Variants in PARD3B observed in about 807,000 individuals in gnomAD.
The protein encoded by PARD3B is par-3 family cell polarity regulator beta, also known as partitioning defective 3 homolog B.
Under a neutral mutation model 130.2 loss-of-function variants are expected in PARD3B, and 103 were observed. That is an observed-to-expected ratio of 0.79 (90% confidence interval 0.67 to 0.93). The LOEUF is 0.93. PARD3B is among the 40% of genes least tolerant of loss of function. The pLI is 0.00. For missense variants in PARD3B, 1,609 were observed against 1,499.2 expected, an observed-to-expected ratio of 1.07 and a Z score of -1.21; for synonymous variants, 583 against 553.2, an observed-to-expected ratio of 1.05 and a Z score of -0.76.
intron 19 of PARD3B, among the ~76,000 whole-genome samples, chr2:205,437,966 CA>C (rs374432284): frequency 1.5e-3 from 218 of 148,872 alleles, no homozygotes; most frequent in African/African-American, 5.0e-3. Flanking sequence ...TCAAAGCTAC[CA>C]AAAAAAAAAT....
chr2:205,428,616 C>T (rs192808882), intron 19 of PARD3B, among the ~76,000 whole-genome samples: 1 of 151,816 alleles, frequency 6.6e-6, no homozygotes, highest in Admixed American at 6.6e-5. Flanking sequence ...GGGACTAAGA[C>T]AATAATATTG....
At chr2:204,912,648 G>A (rs115175734) in intron 2 of PARD3B, among the ~76,000 whole-genome samples, 1 of 152,236 alleles carries the variant, frequency 6.6e-6, no homozygotes, top group African/African-American at 2.4e-5. Flanking sequence ...CAGTGTGTTT[G>A]CCTGTCGATA....
At chr2:205,442,424 G>A (rs1316755092) in intron 20 of PARD3B, among the ~76,000 whole-genome samples, 2 of 147,110 alleles carry the variant, frequency 1.4e-5, no homozygotes, top group Admixed American at 6.9e-5. Flanking sequence ...TCAGCCTCCC[G>A]AGTGAGTAGC....
At chr2:205,150,900 G>A (rs978730687) in intron 10 of PARD3B, among the ~76,000 whole-genome samples, 6 of 152,020 alleles carry the variant, frequency 3.9e-5, no homozygotes, top group African/African-American at 1.4e-4. Context: ...CAGTTAGGAG[G>A]AATAAGTTCA....
rs2053436108 is a variant in PARD3B at position 205,568,304 on chromosome 2, TTGGTCA to T, written c.3260+14904_3260+14909del. On this transcript the variant is annotated intron_variant, in intron 22 of 22. Coordinates refer to ENST00000406610, the MANE Select transcript of PARD3B (RefSeq NM_001302769.2). The surrounding 1 kb of genome is among the most constrained non-coding windows in gnomAD (Gnocchi z 5.3). ...ATTATTGGAGTAGGTGCTCTGTGAA[TTGGTCA>T]TGTCTTGTACGGAACACAGTGAATG... Among the ~76,000 whole-genome samples, 8 of 152,340 alleles carry T rather than the reference TTGGTCA, an allele frequency of 5.3e-5. No individual in the cohort carries two copies. The South Asian group carries it at 1.2e-3, about 24-fold the overall frequency.
intron 2 of PARD3B, among the ~76,000 whole-genome samples, chr2:204,780,268 T>A (rs1232334686): frequency 6.6e-6 from 1 of 152,010 alleles, no homozygotes; most frequent in Non-Finnish European, 1.5e-5. Flanking sequence ...TCAGAGAGAG[T>A]GTATGTGTTT....
At chr2:204,765,760 G>A (rs778166854) in intron 2 of PARD3B, among the ~76,000 whole-genome samples, 1 of 152,144 alleles carries the variant, frequency 6.6e-6, no homozygotes, top group Non-Finnish European at 1.5e-5. Flanking sequence ...TAATAATGGA[G>A]GAAATGGCCC....
Position 205,112,928 on chromosome 2 carries a change from A to G in PARD3B, c.594-563A>G, listed in dbSNP as rs189624733. 2.0e-5 allele frequency among the ~76,000 whole-genome samples: 3 copies of G among 152,318 alleles called. No homozygotes were observed. The East Asian group carries it at 5.8e-4, about 29-fold the overall frequency. On this transcript the variant is annotated intron_variant, in intron 5 of 22. Transcript: ENST00000406610. ...TTCTGTTGAATAGAACTGATGCCCT[A>G]TTGAAAAGCAAGTTTGAGTTTTGAT...
intron 3 of PARD3B, among the ~76,000 whole-genome samples, chr2:204,987,370 G>T (rs531283355): frequency 5.2e-4 from 79 of 152,298 alleles, no homozygotes; most frequent in African/African-American, 1.8e-3. Flanking sequence ...AGAATAGAAT[G>T]CTTGTTGATT....
intron 1 of PARD3B, among the ~76,000 whole-genome samples, chr2:204,597,262 T>G (rs1417625545): frequency 6.6e-6 from 1 of 152,080 alleles, no homozygotes; most frequent in Non-Finnish European, 1.5e-5. Flanking sequence ...ATGCGTGTTT[T>G]TTTTTTGGTA....
chr2:205,119,450 G>T (rs1174392603), intron 7 of PARD3B, among the ~76,000 whole-genome samples: 1 of 151,926 alleles, frequency 6.6e-6, no homozygotes, highest in Non-Finnish European at 1.5e-5. Context: ...AGATGTCTGA[G>T]GACTCACCGA....
intron 2 of PARD3B, among the ~76,000 whole-genome samples, chr2:204,831,591 A>T (rs1363889808): frequency 6.6e-6 from 1 of 152,202 alleles, no homozygotes; most frequent in Non-Finnish European, 1.5e-5. Context: ...AGTTAGAGAG[A>T]AACAGAATTT....
chr2:205,514,112 G>A (rs1409030760), intron 21 of PARD3B, among the ~76,000 whole-genome samples: 1 of 152,044 alleles, frequency 6.6e-6, no homozygotes, highest in Non-Finnish European at 1.5e-5. Context: ...GAGCATTTCT[G>A]CATCACACTG....
At chr2:205,290,173 C>G (rs1277841446) in intron 16 of PARD3B, among the ~76,000 whole-genome samples, 1 of 152,118 alleles carries the variant, frequency 6.6e-6, no homozygotes. Context: ...GGTGTATGTA[C>G]GAACAATTTA....
chr2:204,926,830 A>G (rs1687658754), intron 2 of PARD3B, among the ~76,000 whole-genome samples: 1 of 152,146 alleles, frequency 6.6e-6, no homozygotes, highest in East Asian at 1.9e-4. Context: ...GCAAATACAA[A>G]TACATTTGCC....
At chr2:204,572,435 T>C (rs577436381) in intron 1 of PARD3B, among the ~76,000 whole-genome samples, 2 of 152,284 alleles carry the variant, frequency 1.3e-5, no homozygotes, top group East Asian at 3.9e-4. Context: ...GAAGCAGCCC[T>C]CTCCCTACAC....
At chr2:205,340,623 A>G (rs1010810655) in intron 18 of PARD3B, among the ~76,000 whole-genome samples, 1 of 152,198 alleles carries the variant, frequency 6.6e-6, no homozygotes, top group African/African-American at 2.4e-5. Context: ...ACTTAAAGGT[A>G]AGATCCCAAA....
intron 2 of PARD3B, among the ~76,000 whole-genome samples, chr2:204,829,826 C>T (rs893487574): frequency 1.3e-4 from 20 of 151,876 alleles, no homozygotes; most frequent in African/African-American, 4.1e-4. Context: ...GGTGAAACCC[C>T]GTCTCTACTA....
At chr2:204,653,665 CCTGTAGTCCCAGCTACTAGGGAGG>C (rs2035555712) in intron 1 of PARD3B, among the ~76,000 whole-genome samples, 2 of 150,300 alleles carry the variant, frequency 1.3e-5, no homozygotes, top group South Asian at 4.2e-4. Context: ...GTAGCGGGCG[CCTGTAGTCCCAGCTACTAGGGAGG>C]CTGAGACAGG....
Sources: allele counts gnomAD v4.1 joint callset (sites outside exome capture counted in the v4.1 genomes callset), GRCh38; gene constraint gnomAD v4.1.1; non-coding constraint Gnocchi (gnomAD v3.1); transcripts MANE v1.5; gene names NCBI Gene and HGNC (gene_info 2026-07-23, HGNC 2026-07-21).